Variants in CCDC142 observed in about 807,000 individuals in gnomAD.
The protein encoded by CCDC142 is coiled-coil domain containing 142.
In CCDC142, 67 loss-of-function variants were observed where a neutral mutation model predicts 83.8. The observed-to-expected ratio is 0.80, with a 90% CI of 0.66 to 0.98. The LOEUF (loss-of-function observed/expected upper bound fraction) is 0.98. Among genes scored for constraint, CCDC142 ranks in the 50% least tolerant of loss-of-function variants. The pLI, the probability that CCDC142 is intolerant of heterozygous loss-of-function variation, is 0.00. For synonymous variants in CCDC142, 421 were observed against 421.2 expected (o/e 1.00, Z 0.01); for missense variants, 905 against 946.8 (o/e 0.96, Z 0.58).
chr2:74,472,941 A>C lies in CCDC142; in HGVS notation c.*1605T>G. ...GAAAACCATAAATAAATGGCGCAAA[A>C]ACCTCTTTGCACGAAAATACGCCCG... On this transcript the variant is annotated 3_prime_UTR_variant, in exon 9 of 9. Transcript: ENST00000393965. The C allele has an allele frequency of 2.0e-6, 1 of 498,566 alleles. No individual in the cohort carries two copies. The highest frequency in any genetic ancestry group is 4.0e-5 in the East Asian group (1 of 25,240). 30.9% of individuals were successfully genotyped at this position (498,566 alleles called of 1,614,324 possible). A position where few individuals can be genotyped will look rare whatever the true frequency, so the allele number is the denominator to read the frequency against.
At chr2:74,478,912 G>A (rs1359697183) in intron 5 of CCDC142, among the ~76,000 whole-genome samples, 6 of 151,624 alleles carry the variant, frequency 4.0e-5, no homozygotes, top group African/African-American at 1.5e-4. Flanking sequence ...TGTAATCCCA[G>A]CCACTCAGGA....
chr2:74,479,482 GGTTACTACT>G (rs1672397454), intron 5 of CCDC142, among the ~76,000 whole-genome samples: 1 of 152,172 alleles, frequency 6.6e-6, no homozygotes, highest in Admixed American at 6.6e-5. Context: ...CATGGATGAA[GGTTACTACT>G]GTGAAATAGA....
chr2:74,477,787 T>C (rs141908109), intron 5 of CCDC142, among the ~76,000 whole-genome samples: 38 of 152,226 alleles, frequency 2.5e-4, no homozygotes, highest in African/African-American at 8.9e-4. Flanking sequence ...TAGACAGCAG[T>C]AAACTGAGGT....
intron 1 of CCDC142, 76 bp downstream of exon 1, chr2:74,481,741 G>A: frequency 6.6e-7 from 1 of 1,516,982 alleles, no homozygotes; most frequent in Non-Finnish European, 9.0e-7. Context: ...CCTTCAGGAT[G>A]GCAGGTCAGT....
rs1351090047 is a variant in CCDC142 at position 74,482,442 on chromosome 2, G to T, written c.396C>A (p.Gly132=). The T allele has an allele frequency of 6.4e-7, 1 of 1,553,440 alleles. No individual in the cohort carries two copies. Among genetic ancestry groups the T allele is most frequent in the African/African-American group, 1.4e-5 (1 of 73,500 alleles). ...ACCACTGGGGCAAGGGGCTAGGGCC[G>T]CCGGATGGCGAGCCAGGACTCAGGG... ...MKTLSPGSPS[G]GPSPLPQWCR... Residue 132 remains glycine (G), a synonymous_variant, in exon 1 of 9, where the codon GGC becomes GGA. Coordinates refer to ENST00000393965, the MANE Select transcript of CCDC142 (RefSeq NM_001365575.2). This position sits in a 1 kb window ranked among gnomAD's most constrained non-coding sequence, Gnocchi z 5.0.
chr2:74,482,580 G>A lies in CCDC142; in HGVS notation c.258C>T (p.Pro86=), dbSNP rs1335916527. Residue 86 remains proline (P), a synonymous_variant, in exon 1 of 9, where the codon CCC becomes CCT. Coordinates refer to ENST00000393965, the MANE Select transcript of CCDC142 (RefSeq NM_001365575.2). This position sits in a 1 kb window ranked among gnomAD's most constrained non-coding sequence, Gnocchi z 5.0. ...ACACCGCCCGGAGACGCTGCAGCGCGGGAGGGATCGGGCCGCCACCTGCGG... is the reference window on the plus strand; with the variant it reads ...ACACCGCCCGGAGACGCTGCAGCGCAGGAGGGATCGGGCCGCCACCTGCGG... ...RGPAGGGPIP[P]ALQRLRAVLL... is the part of the protein sequence containing the mutation. 1.9e-6 allele frequency: 3 copies of A among 1,604,024 alleles called. No individual in the cohort carries two copies. The African/African-American group carries it at 4.0e-5, about 21-fold the overall frequency.
rs1302693407 is a variant in CCDC142, at chr2:74,482,077, G to A, written c.761C>T (p.Ala254Val). Residue 254 changes from alanine to valine, a missense_variant, in exon 1 of 9, where the codon GCG becomes GTG. By Grantham distance (64) the Ala-to-Val change is moderately conservative (BLOSUM62 0). Around this residue, in one of 3 missense-constraint regions of CCDC142, gnomAD observed 591 missense variants for 571.4 expected, o/e 1.03. Coordinates refer to ENST00000393965, the MANE Select transcript of CCDC142 (RefSeq NM_001365575.2). The surrounding 1 kb of genome is among the most constrained non-coding windows in gnomAD (Gnocchi z 5.0). ...GTCCCTCAACGCCGATCCTTGGAGC[G>A]CCTCGTCCAGCCGACTTGCCACCTG... ...GCQVASRLDEALQGSALRDQL... is the reference protein window; with the variant it reads ...GCQVASRLDEVLQGSALRDQL... 5 of 1,613,384 alleles carry A rather than the reference G, an allele frequency of 3.1e-6. No individual in the cohort carries two copies. The African/African-American group carries it at 4.0e-5, about 13-fold the overall frequency.
At chr2:74,476,518 C>G (rs1672330267) in intron 5 of CCDC142, among the ~76,000 whole-genome samples, 1 of 152,092 alleles carries the variant, frequency 6.6e-6, no homozygotes, top group Admixed American at 6.6e-5. Context: ...AAAAGGAAGA[C>G]AAGAACTGTA....
In CCDC142 at chr2:74,474,754, T is replaced by C. The variant is rs752413405; in HGVS notation, c.2045A>G (p.Asn682Ser). 29 of 1,613,566 alleles carry C rather than the reference T, an allele frequency of 1.8e-5. No individual in the cohort carries two copies. The highest frequency in any genetic ancestry group is 2.4e-5 in the Non-Finnish European group (28 of 1,179,704). The change falls in exon 9 of 9, where the codon AAT (asparagine) becomes AGT (serine). Residue 682 changes from asparagine (N) to serine (S), a missense_variant. By Grantham distance (46) the Asn-to-Ser change is conservative. Transcript: ENST00000393965. ...QTTKLPSSCL[N>S]SLESLEPPLQ... Reference sequence around the variant, plus strand: ...CGGGGGCTCCAAGCTCTCCAGGCTATTGAGGCAGCTGCTGGGCAATTTCGT... The same window carrying C: ...CGGGGGCTCCAAGCTCTCCAGGCTACTGAGGCAGCTGCTGGGCAATTTCGT...
chr2:74,481,238 A>G lies in CCDC142; in HGVS notation c.1243T>C (p.Phe415Leu), dbSNP rs201553052. ...ALREPRLRRI[F>L]CQPADPAPVA... ...CTCGTCTCACCTGCAGGCTGGCAGA[A>G]AATCCGTCGTAACCTGGGCTCTCGA... Residue 415 changes from phenylalanine (F) to leucine (L), a missense_variant, in exon 3 of 9, where the codon TTC becomes CTC. Physicochemically the swap from Phe to Leu is conservative, Grantham distance 22 (BLOSUM62 0). Transcript: ENST00000393965. 15 of 1,614,008 alleles carry G rather than the reference A, an allele frequency of 9.3e-6. No homozygotes were observed. Among genetic ancestry groups the G allele is most frequent in the Non-Finnish European group, 1.1e-5 (13 of 1,179,966 alleles).
At chr2:74,475,464 T>G in intron 6 of CCDC142, 62 bp from the exon 7 acceptor site, 1 of 1,517,810 alleles carries the variant, frequency 6.6e-7, no homozygotes, top group Admixed American at 2.1e-5. Flanking sequence ...AATGGAGTGT[T>G]TGGGAGAAGA....
intron 5 of CCDC142, among the ~76,000 whole-genome samples, chr2:74,479,204 AG>A (rs1672392608): frequency 6.6e-6 from 1 of 151,818 alleles, no homozygotes; most frequent in South Asian, 2.1e-4. Flanking sequence ...AAAAAAAAAA[AG>A]AACTCTGGGA....
chr2:74,481,641 G>A, intron 1 of CCDC142, 103 bp from the exon 2 acceptor site: 4 of 1,385,384 alleles, frequency 2.9e-6, no homozygotes, highest in East Asian at 2.3e-5. Context: ...TCCAAGACTC[G>A]GGACTGGGGT....
At chr2:74,481,793 C>G (rs1672480523) in intron 1 of CCDC142, 24 bp downstream of exon 1, 1 of 1,588,130 alleles carries the variant, frequency 6.3e-7, no homozygotes, top group Non-Finnish European at 8.6e-7. Flanking sequence ...CCTTCCCAAA[C>G]GCCCACCCAA....
chr2:74,481,881 T>C lies in CCDC142; in HGVS notation c.957A>G (p.Leu319=). Reference sequence around the variant, plus strand: ...TGGGGTCCCTCCAGGGTCCCAGATTTAGGTCCAGACTCTGAGCACAGGCTG... The same window carrying C: ...TGGGGTCCCTCCAGGGTCCCAGATTCAGGTCCAGACTCTGAGCACAGGCTG... ...LWAACAQSLD[L]NLGPWRDPRA... The change falls in exon 1 of 9, where the codon CTA becomes CTG. Residue 319 remains leucine, a synonymous_variant. Transcript: ENST00000393965. 2.5e-6 allele frequency: 4 copies of C among 1,614,104 alleles called. No homozygotes were observed. The highest frequency in any genetic ancestry group is 3.4e-6 in the Non-Finnish European group (4 of 1,180,004).
At chr2:74,475,798 G>A in intron 5 of CCDC142, 72 bp from the exon 6 acceptor site, 4 of 937,742 alleles carry the variant, frequency 4.3e-6, no homozygotes, top group Non-Finnish European at 6.6e-6. Context: ...GGAGCTCTAT[G>A]TCCAACTTGA....
In CCDC142 at chr2:74,482,467, G is replaced by T; in HGVS notation, c.371C>A (p.Thr124Asn). 1 of 1,550,582 alleles carries T rather than the reference G, an allele frequency of 6.4e-7. No individual in the cohort carries two copies. The highest frequency in any genetic ancestry group is 8.7e-7 in the Non-Finnish European group (1 of 1,145,682). The change falls in exon 1 of 9, where the codon ACC becomes AAC. Residue 124 changes from threonine to asparagine, a missense_variant. Coordinates refer to ENST00000393965, the MANE Select transcript of CCDC142 (RefSeq NM_001365575.2). The surrounding 1 kb of genome is among the most constrained non-coding windows in gnomAD (Gnocchi z 5.0). Reference sequence around the variant, plus strand: ...GCCGGATGGCGAGCCAGGACTCAGGGTCTTCATGAGTCGCACAGCCGACTG... The same window carrying T: ...GCCGGATGGCGAGCCAGGACTCAGGTTCTTCATGAGTCGCACAGCCGACTG... ...HLQSAVRLMK[T>N]LSPGSPSGGP...
chr2:74,481,142 A>G (rs1672434995), intron 3 of CCDC142, 56 bp from the exon 4 acceptor site: 1 of 1,610,396 alleles, frequency 6.2e-7, no homozygotes, highest in Non-Finnish European at 8.5e-7. Flanking sequence ...ACCTTTGGGA[A>G]GAGGCAGATT....
intron 5 of CCDC142, among the ~76,000 whole-genome samples, chr2:74,476,044 A>AACACACACACACACACAC (rs58719599): frequency 5.1e-5 from 5 of 97,698 alleles, no homozygotes; most frequent in African/African-American, 1.6e-4. Context: ...CCACCCCCGC[A>AACACACACACACACACAC]ACACACACAC....
Sources: gnomAD v4.1 joint callset for allele counts (sites outside exome capture counted in the v4.1 genomes callset) on GRCh38, gnomAD v4.1.1 for gene constraint, gnomAD v4.1.1 regional missense constraint, Gnocchi (gnomAD v3.1) non-coding constraint, MANE v1.5 for transcripts, NCBI Gene and HGNC (gene_info 2026-07-23, HGNC 2026-07-21) for gene names.